EFCAB13: variants seen among roughly 807,000 people sequenced by gnomAD.
EFCAB13 encodes the protein EF-hand calcium binding domain 13, also known as EF-hand calcium-binding domain-containing protein 13.
A neutral mutation model predicts 110.2 loss-of-function variants in EFCAB13; 91 were observed. The observed-to-expected ratio is 0.83, with a 90% CI of 0.70 to 0.98. The LOEUF (loss-of-function observed/expected upper bound fraction) is 0.98. EFCAB13 is among the 50% of genes least tolerant of loss of function. The pLI is 0.00. For synonymous variants in EFCAB13, 323 were observed against 369.9 expected, an observed-to-expected ratio of 0.87 and a Z score of 1.45; for missense variants, 968 against 1,119.4, an observed-to-expected ratio of 0.86 and a Z score of 1.93.
chr17:47,427,578 T>C (rs919669382), intron 23 of EFCAB13, among the ~76,000 whole-genome samples: 1 of 151,958 alleles, frequency 6.6e-6, no homozygotes, highest in African/African-American at 2.4e-5. Context: ...TCTATAGAAG[T>C]TGTAAGAATT....
chr17:47,373,872 G>C (rs2065598977), intron 11 of EFCAB13, among the ~76,000 whole-genome samples: 1 of 151,940 alleles, frequency 6.6e-6, no homozygotes, highest in Non-Finnish European at 1.5e-5. Flanking sequence ...TTGTTTTGAG[G>C]ATCAAATATT....
intron 17 of EFCAB13, 102 bp downstream of exon 17, chr17:47,396,079 C>A (rs932326199): frequency 1.6e-5 from 16 of 991,468 alleles, no homozygotes; most frequent in South Asian, 2.9e-5. Context: ...ACGGAGTGTT[C>A]GAATATGATT....
At chr17:47,357,780 C>A (rs1224630224) in intron 9 of EFCAB13, among the ~76,000 whole-genome samples, 1 of 152,130 alleles carries the variant, frequency 6.6e-6, no homozygotes, top group Non-Finnish European at 1.5e-5. Context: ...ACATATAAAT[C>A]TATAGTCAGA....
intron 7 of EFCAB13, 93 bp from the exon 8 acceptor site, chr17:47,344,923 T>C (rs2065406760): frequency 2.2e-6 from 2 of 918,100 alleles, no homozygotes; most frequent in Admixed American, 2.1e-5. Context: ...AAGGTTCTTA[T>C]GAATCTCAGA....
chr17:47,435,676 TC>T (rs1289598777), intron 24 of EFCAB13, among the ~76,000 whole-genome samples: 2 of 151,870 alleles, frequency 1.3e-5, no homozygotes, highest in African/African-American at 4.8e-5. Flanking sequence ...TTTTATCAGT[TC>T]TAGGAACCTT....
chr17:47,405,274 C>T (rs1023670393), intron 20 of EFCAB13, among the ~76,000 whole-genome samples: 1 of 152,084 alleles, frequency 6.6e-6, no homozygotes, highest in Non-Finnish European at 1.5e-5. Context: ...TATCCTTGTA[C>T]ATATATCTTT....
intron 9 of EFCAB13, among the ~76,000 whole-genome samples, chr17:47,350,792 G>T (rs1407403189): frequency 6.6e-6 from 1 of 152,030 alleles, no homozygotes; most frequent in Non-Finnish European, 1.5e-5. Context: ...CGTATTAATG[G>T]TAGAAACAGT....
chr17:47,404,000 C>G lies in EFCAB13; in HGVS notation c.2140C>G (p.Leu714Val). 6.3e-7 allele frequency: 1 copy of G among 1,593,302 alleles called. No homozygotes were observed. ...KSPKEEVEKI[L>V]QSDFVSEDNM... Reference sequence around the variant, plus strand: ...ACCTAAAGAAGAGGTAGAGAAAATTCTTCAATCAGATTTTGTTTCTGGTAA... The same window carrying G: ...ACCTAAAGAAGAGGTAGAGAAAATTGTTCAATCAGATTTTGTTTCTGGTAA... The change falls in exon 19 of 25, where the codon CTT (leucine) becomes GTT (valine). Residue 714 changes from leucine (L) to valine (V), a missense_variant. Leu to Val is a conservative substitution (Grantham distance 32). Coordinates refer to ENST00000331493, the MANE Select transcript of EFCAB13 (RefSeq NM_152347.5).
chr17:47,335,355 AT>A lies in EFCAB13; in HGVS notation c.191del (p.Ile64AsnfsTer6), dbSNP rs751330148. ...GAGTTTGAGCCCAGAATATAAAAAA[AT>A]GTAAGTTAAAAACTCTGAACTTACT... ...IRSLSPEYKK[I>X]FETSIIFCGE... On this transcript the variant is annotated frameshift_variant and splice_region_variant, in exon 5 of 25. Coordinates refer to ENST00000331493, the MANE Select transcript of EFCAB13 (RefSeq NM_152347.5). LOFTEE classifies it high-confidence loss of function. 5.1e-6 allele frequency: 8 copies of A among 1,581,462 alleles called. No homozygotes were observed. The highest frequency in any genetic ancestry group is 6.0e-6 in the Non-Finnish European group (7 of 1,170,952).
chr17:47,350,642 A>T (rs2065444561), intron 9 of EFCAB13, among the ~76,000 whole-genome samples: 1 of 151,332 alleles, frequency 6.6e-6, no homozygotes, highest in African/African-American at 2.4e-5. Context: ...TTTCTTCTTC[A>T]TCCTTAACAG....
At chr17:47,331,006 A>T (rs2065317005) in intron 4 of EFCAB13, among the ~76,000 whole-genome samples, 1 of 151,922 alleles carries the variant, frequency 6.6e-6, no homozygotes, top group African/African-American at 2.4e-5. Flanking sequence ...TTTAATTTGT[A>T]TTTCCCTGGT....
Position 47,414,895 on chromosome 17 carries a change from A to C in EFCAB13, c.2470A>C (p.Ser824Arg). ...LKDFLMKMKESPHFQKSKATQ... is the reference protein window; with the variant it reads ...LKDFLMKMKERPHFQKSKATQ... ...AGATTTCTTAATGAAAATGAAAGAA[A>C]GTCCACATTTCCAAAAGTCCAAGGG... Residue 824 changes from serine (S) to arginine (R), a missense_variant, in exon 23 of 25, where the codon AGT (serine) becomes CGT (arginine). By Grantham distance (110) the Ser-to-Arg change is moderately radical (BLOSUM62 -1). Transcript: ENST00000331493. 3.1e-6 allele frequency: 5 copies of C among 1,606,982 alleles called. No homozygotes were observed. Among genetic ancestry groups the C allele is most frequent in the African/African-American group, 1.3e-5 (1 of 74,824 alleles).
intron 9 of EFCAB13, among the ~76,000 whole-genome samples, chr17:47,351,302 T>TGTGTGTGTGTGTGTGTGTGTGTGTGC (rs1555578752): frequency 9.8e-6 from 1 of 101,580 alleles, no homozygotes; most frequent in Non-Finnish European, 2.4e-5. Flanking sequence ...TGTGTGTGTG[T>TGTGTGTGTGTGTGTGTGTGTGTGTGC]GTGCGCGCGC....
intron 4 of EFCAB13, chr17:47,329,966 A>C (rs2065310202): frequency 1.3e-5 from 2 of 152,190 alleles, no homozygotes; most frequent in African/African-American, 4.8e-5. Context: ...TAGTTCTGTT[A>C]ATTTCCATCC....
At chr17:47,329,295 G>T (rs1284748220) in intron 4 of EFCAB13, among the ~76,000 whole-genome samples, 1 of 152,020 alleles carries the variant, frequency 6.6e-6, no homozygotes, top group Non-Finnish European at 1.5e-5. Context: ...ACAAAAGGGT[G>T]GGGGGATTCC....
chr17:47,373,705 TTAAG>T (rs534162860), intron 11 of EFCAB13, among the ~76,000 whole-genome samples: 1 of 152,204 alleles, frequency 6.6e-6, no homozygotes, highest in Non-Finnish European at 1.5e-5. Context: ...AGCACCATCT[TTAAG>T]TATTTTCAGA....
chr17:47,379,058 A>G, intron 13 of EFCAB13, 124 bp from the exon 14 acceptor site: 1 of 662,136 alleles, frequency 1.5e-6, no homozygotes, highest in Non-Finnish European at 2.6e-6. Context: ...ACATGATATG[A>G]AGGAGAAATA....
intron 2 of EFCAB13, among the ~76,000 whole-genome samples, chr17:47,325,322 G>T (rs940675360): frequency 1.3e-5 from 2 of 151,966 alleles, no homozygotes; most frequent in African/African-American, 2.4e-5. Context: ...ACCATGCACA[G>T]CCTGATTGCT....
chr17:47,436,225 C>T (rs1279315021), intron 24 of EFCAB13, among the ~76,000 whole-genome samples: 6 of 151,846 alleles, frequency 4.0e-5, no homozygotes, highest in African/African-American at 1.2e-4. Context: ...GATATCAGTC[C>T]GTAGTTTTCT....
Sources: gnomAD v4.1 joint callset for allele counts (sites outside exome capture counted in the v4.1 genomes callset) on GRCh38, gnomAD v4.1.1 for gene constraint, MANE v1.5 for transcripts, NCBI Gene and HGNC (gene_info 2026-07-23, HGNC 2026-07-21) for gene names.